The following TOP6BL variants were observed in gnomAD, a reference collection of about 807,000 sequenced individuals.
TOP6BL encodes the protein type 2 DNA topoisomerase 6 subunit B-like.
At chr11:66,836,400 G>A in the TOP6BL span, among the ~76,000 whole-genome samples, 1 of 151,730 alleles carries the variant, frequency 6.6e-6, no homozygotes, top group Non-Finnish European at 1.5e-5. Flanking sequence ...TAGTGGAGAC[G>A]GGGTTTCACA....
the TOP6BL span, among the ~76,000 whole-genome samples, chr11:66,835,809 G>A: frequency 4.8e-3 from 733 of 152,190 alleles, 42 homozygotes; most frequent in East Asian, 0.12. Context: ...TTAATTAGTT[G>A]ATGAACACAA....
At chr11:66,838,724 AATTTT>A in the TOP6BL span, among the ~76,000 whole-genome samples, 1 of 151,960 alleles carries the variant, frequency 6.6e-6, no homozygotes, top group African/African-American at 2.4e-5. Flanking sequence ...CAGGGCCCTG[AATTTT>A]ATTTTATTTT....
At chr11:66,767,708 T>C in the TOP6BL span, among the ~76,000 whole-genome samples, 1 of 152,338 alleles carries the variant, frequency 6.6e-6, no homozygotes, top group South Asian at 2.1e-4. Flanking sequence ...GCTGTTGATA[T>C]ATGGTTACAT....
the TOP6BL span, chr11:66,796,421 G>A: frequency 7.6e-7 from 1 of 1,323,700 alleles, no homozygotes; most frequent in Admixed American, 2.0e-5. Context: ...GTTTTCCAGA[G>A]ACCTTTACTG....
At chr11:66,745,540 A>G in the TOP6BL span, among the ~76,000 whole-genome samples, 1 of 152,188 alleles carries the variant, frequency 6.6e-6, no homozygotes, top group Admixed American at 6.5e-5. Flanking sequence ...TTCATTACCC[A>G]CTTTCACGGC....
At chr11:66,801,102 G>T in the TOP6BL span, 2 of 1,612,972 alleles carry the variant, frequency 1.2e-6, no homozygotes, top group Non-Finnish European at 1.7e-6. Flanking sequence ...CATTATGTGA[G>T]GTGAAGGCGT....
At chr11:66,829,149 G>A in the TOP6BL span, among the ~76,000 whole-genome samples, 1 of 151,868 alleles carries the variant, frequency 6.6e-6, no homozygotes, top group East Asian at 1.9e-4. Context: ...ACTTTGGGAG[G>A]CCAAAGCAGG....
the TOP6BL span, chr11:66,745,007 G>A: frequency 2.5e-6 from 3 of 1,202,670 alleles, no homozygotes; most frequent in Non-Finnish European, 3.1e-6. Context: ...CAGAGGGGTC[G>A]GGCGTCGCCT....
At chr11:66,821,737 C>G in the TOP6BL span, 1 of 1,613,380 alleles carries the variant, frequency 6.2e-7, no homozygotes, top group African/African-American at 1.3e-5. Flanking sequence ...TGGACAAGGT[C>G]TTGGAGCAAC....
chr11:66,795,702 AT>A, the TOP6BL span, among the ~76,000 whole-genome samples: 1,866 of 144,424 alleles, frequency 0.013, 35 homozygotes, highest in Middle Eastern at 0.032. Flanking sequence ...CAGAGCAGTG[AT>A]TTTTTTTTTT....
At chr11:66,822,790 G>A in the TOP6BL span, 1 of 686,712 alleles carries the variant, frequency 1.5e-6, no homozygotes, top group Non-Finnish European at 2.5e-6. Context: ...GATTGCTTGA[G>A]CCCAGGAATT....
At chr11:66,769,780 G>A in the TOP6BL span, among the ~76,000 whole-genome samples, 4 of 151,060 alleles carry the variant, frequency 2.6e-5, no homozygotes, top group South Asian at 4.2e-4. Flanking sequence ...TCACTCTGTC[G>A]CCCAGGCTGG....
At chr11:66,773,669 A>G in the TOP6BL span, among the ~76,000 whole-genome samples, 5 of 152,114 alleles carry the variant, frequency 3.3e-5, no homozygotes, top group Admixed American at 6.6e-5. Context: ...CTAGTTTTAT[A>G]AAGTGAAAGC....
chr11:66,843,384 C>G, the TOP6BL span: 2 of 1,429,762 alleles, frequency 1.4e-6, no homozygotes, highest in Non-Finnish European at 1.8e-6. Context: ...GGCGTGGAGC[C>G]GCGCCGCGGC....
At chr11:66,843,352 G>GGGCCC in the TOP6BL span, 134,843 of 1,460,370 alleles carry the variant, frequency 0.092, 7,151 homozygotes, top group Middle Eastern at 0.15. Flanking sequence ...CTTCCGCGTC[G>GGGCCC]GGCCCGGGCG....
At chr11:66,841,465 C>T in the TOP6BL span, among the ~76,000 whole-genome samples, 2 of 152,180 alleles carry the variant, frequency 1.3e-5, no homozygotes, top group African/African-American at 4.8e-5. Flanking sequence ...TCACTTAGGC[C>T]TGATGAACAC....
the TOP6BL span, among the ~76,000 whole-genome samples, chr11:66,811,434 C>A: frequency 1.3e-5 from 2 of 152,310 alleles, no homozygotes; most frequent in African/African-American, 4.8e-5. Flanking sequence ...TCAAGTGATC[C>A]GCCTGCCTTG....
the TOP6BL span, chr11:66,800,506 A>T: frequency 3.1e-6 from 2 of 646,224 alleles, no homozygotes; most frequent in Non-Finnish European, 5.3e-6. Flanking sequence ...GTATACAGTT[A>T]TAGTTTATCA....
At chr11:66,794,743 AAAAG>A in the TOP6BL span, among the ~76,000 whole-genome samples, 2 of 152,210 alleles carry the variant, frequency 1.3e-5, no homozygotes, top group Non-Finnish European at 2.9e-5. Context: ...CACAAAACAA[AAAAG>A]AAAGACTTAC....
Sources: allele counts gnomAD v4.1 joint callset (sites outside exome capture counted in the v4.1 genomes callset), GRCh38; gene constraint gnomAD v4.1.1; transcripts MANE v1.5; gene names NCBI Gene and HGNC (gene_info 2026-07-23, HGNC 2026-07-21).